Variants in SP100 observed in about 807,000 individuals in gnomAD.
The protein encoded by SP100 is nuclear autoantigen Sp-100.
SP100 carries 84 observed loss-of-function variants against 130.0 expected under a neutral mutation model. The ratio of observed to expected loss-of-function variants is 0.65; its 90% CI spans 0.54 to 0.77. The LOEUF (loss-of-function observed/expected upper bound fraction) is 0.77, where lower values mean the gene tolerates loss of function less well. Among genes scored for constraint, SP100 ranks in the 30% least tolerant of loss-of-function variants. SP100 has a pLI of 0.00. For missense variants in SP100, 978 were observed against 1,052.2 expected (o/e 0.93, Z 0.97); for synonymous variants, 331 against 351.7 (o/e 0.94, Z 0.66).
chr2:230,418,463 C>T (rs1240951457), intron 2 of SP100, among the ~76,000 whole-genome samples: 1 of 152,142 alleles, frequency 6.6e-6, no homozygotes, highest in Non-Finnish European at 1.5e-5. Flanking sequence ...AGTTATTTTT[C>T]CAGACTGATT....
chr2:230,515,099 A>T (rs781439579), intron 24 of SP100: 1 of 1,612,936 alleles, frequency 6.2e-7, no homozygotes, highest in Admixed American at 1.7e-5. Context: ...TGTCAGGAGG[A>T]GCATAAGAAG....
rs1304099730 is a variant in SP100, at chr2:230,498,465, A to C, written c.1650A>C (p.Arg550Ser). The C allele has an allele frequency of 1.5e-5, 23 of 1,506,332 alleles. No individual in the cohort carries two copies. The highest frequency in any genetic ancestry group is 1.9e-5 in the Non-Finnish European group (22 of 1,133,230). The allele number at this position is 1,506,332 out of a possible 1,614,324, so 93.3% of individuals were successfully genotyped here. A position where few individuals can be genotyped will look rare whatever the true frequency, so the allele number is the denominator to read the frequency against. The change falls in exon 19 of 29, where the codon AGA (arginine) becomes AGC (serine). Residue 550 changes from arginine (R) to serine (S), a missense_variant. Arg to Ser is a moderately radical substitution (Grantham distance 110). Coordinates refer to ENST00000340126, the MANE Select transcript of SP100 (RefSeq NM_001080391.2). Reference sequence around the variant, plus strand: ...TATATTTTCCTATTTTCTCAGGGAGAAAGAAAGACAGACCTAGAAAACATT... The same window carrying C: ...TATATTTTCCTATTTTCTCAGGGAGCAAGAAAGACAGACCTAGAAAACATT... The part of the protein sequence containing the change: ...RSKVNGLQRG[R>S]KKDRPRKHLT...
At chr2:230,538,702 C>G (rs699663) in intron 24 of SP100, 26,026 of 153,084 alleles carry the variant, frequency 0.17, 2,714 homozygotes, top group Non-Finnish European at 0.24. Flanking sequence ...GCCCTGTACT[C>G]CCTGGTGCCC....
At chr2:230,453,080 G>T (rs944437230) in intron 8 of SP100, among the ~76,000 whole-genome samples, 9 of 152,180 alleles carry the variant, frequency 5.9e-5, no homozygotes, top group Non-Finnish European at 8.8e-5. Context: ...TGACTCAAGA[G>T]TTCAGCATGG....
chr2:230,439,387 G>T (rs980223433), intron 2 of SP100, among the ~76,000 whole-genome samples: 1 of 152,066 alleles, frequency 6.6e-6, no homozygotes, highest in African/African-American at 2.4e-5. Context: ...TTGCTTTTGG[G>T]CAGTATGATC....
intron 17 of SP100, among the ~76,000 whole-genome samples, chr2:230,490,269 A>G (rs1429070289): frequency 6.6e-6 from 1 of 150,840 alleles, no homozygotes; most frequent in Non-Finnish European, 1.5e-5. Context: ...GTCTTTTTTG[A>G]TCTTTGTTGG....
At chr2:230,489,248 G>C (rs757405701) in intron 17 of SP100, among the ~76,000 whole-genome samples, 1 of 152,090 alleles carries the variant, frequency 6.6e-6, no homozygotes, top group African/African-American at 2.4e-5. Context: ...GTTTAGTCTT[G>C]GGAGGGTGTA....
At chr2:230,539,724 T>C (rs1692090556) in intron 25 of SP100, among the ~76,000 whole-genome samples, 1 of 152,184 alleles carries the variant, frequency 6.6e-6, no homozygotes, top group South Asian at 2.1e-4. Flanking sequence ...CCACCTGCTG[T>C]GGGACCATCA....
chr2:230,447,890 C>G (rs1272798563), intron 5 of SP100, among the ~76,000 whole-genome samples: 1 of 152,210 alleles, frequency 6.6e-6, no homozygotes, highest in Non-Finnish European at 1.5e-5. Flanking sequence ...AGTTCCACCC[C>G]TCTAATCTCA....
intron 11 of SP100, among the ~76,000 whole-genome samples, 191 bp downstream of exon 11, chr2:230,464,341 A>G (rs1246196717): frequency 6.6e-6 from 1 of 152,208 alleles, no homozygotes; most frequent in Non-Finnish European, 1.5e-5. Flanking sequence ...AGGTGTTATA[A>G]ACTCTTGTTT....
chr2:230,423,087 T>C (rs2062817830), intron 2 of SP100, among the ~76,000 whole-genome samples: 2 of 152,210 alleles, frequency 1.3e-5, no homozygotes, highest in African/African-American at 2.4e-5. Context: ...CCTTGAAAGA[T>C]TGCAGAAAAT....
At chr2:230,541,598 G>A (rs1157220960) in intron 27 of SP100, among the ~76,000 whole-genome samples, 1 of 152,208 alleles carries the variant, frequency 6.6e-6, no homozygotes, top group Non-Finnish European at 1.5e-5. Flanking sequence ...CGGTTCTGGA[G>A]AGGGCTGTCT....
At chr2:230,517,352 G>A (rs1385221571) in intron 24 of SP100, among the ~76,000 whole-genome samples, 2 of 152,138 alleles carry the variant, frequency 1.3e-5, no homozygotes, top group African/African-American at 4.8e-5. Context: ...ATAATCAAAA[G>A]ACTTCAAAAG....
At chr2:230,440,547 A>T in intron 2 of SP100, 1 of 1,381,204 alleles carries the variant, frequency 7.2e-7, no homozygotes. Flanking sequence ...GCTGGGTAAA[A>T]TTAAACACAT....
chr2:230,539,918 G>T (rs944060650), intron 25 of SP100, among the ~76,000 whole-genome samples: 1 of 152,198 alleles, frequency 6.6e-6, no homozygotes, highest in African/African-American at 2.4e-5. Context: ...AAGGTGCTCT[G>T]TGAGTGGTGT....
intron 24 of SP100, among the ~76,000 whole-genome samples, chr2:230,535,258 T>C (rs2150111978): frequency 6.6e-6 from 1 of 152,226 alleles, no homozygotes; most frequent in South Asian, 2.1e-4. Context: ...GGGGAGTTCA[T>C]GAAAAGGACT....
chr2:230,434,633 A>C (rs1189102155), intron 2 of SP100, among the ~76,000 whole-genome samples: 1 of 152,062 alleles, frequency 6.6e-6, no homozygotes, highest in Non-Finnish European at 1.5e-5. Context: ...GGAGCTTGGG[A>C]GTGTGGGGGC....
intron 7 of SP100, 51 bp from the exon 8 acceptor site, chr2:230,450,121 G>A (rs1045517621): frequency 3.7e-6 from 5 of 1,336,784 alleles, no homozygotes; most frequent in Non-Finnish European, 5.4e-6. Context: ...AATGGAAACA[G>A]GACAGAGCAA....
At chr2:230,435,649 G>A (rs76802348) in intron 2 of SP100, among the ~76,000 whole-genome samples, 14,470 of 152,130 alleles carry the variant, frequency 0.095, 754 homozygotes, top group Middle Eastern at 0.2. Context: ...TTCGCTGTGT[G>A]ATTCATTCCA....
Sources: allele counts gnomAD v4.1 joint callset (sites outside exome capture counted in the v4.1 genomes callset), GRCh38; gene constraint gnomAD v4.1.1; transcripts MANE v1.5; gene names NCBI Gene and HGNC (gene_info 2026-07-23, HGNC 2026-07-21).